The following RBFOX1 variants were observed in gnomAD, a reference collection of about 807,000 sequenced individuals.
The protein encoded by RBFOX1 is RNA binding protein fox-1 homolog 1.
In RBFOX1, 8 loss-of-function variants were observed where a neutral mutation model predicts 57.7. The observed-to-expected ratio is 0.14, with a 90% CI of 0.08 to 0.25. RBFOX1 has a LOEUF of 0.25. Among genes scored for constraint, RBFOX1 ranks in the 10% least tolerant of loss-of-function variants. The pLI, the probability that RBFOX1 is intolerant of heterozygous loss-of-function variation, is 1.00. For missense variants in RBFOX1, 611 were observed against 548.5 expected, an observed-to-expected ratio of 1.11 and a Z score of -1.14; for synonymous variants, 326 against 222.4, an observed-to-expected ratio of 1.47 and a Z score of -4.15.
At chr16:6,611,003 A>G (rs933190000) in intron 2 of RBFOX1, among the ~76,000 whole-genome samples, 3 of 152,202 alleles carry the variant, frequency 2.0e-5, no homozygotes, top group Non-Finnish European at 1.5e-5. Flanking sequence ...GAGCACAGAT[A>G]TACTTAATAC....
At chr16:6,930,777 A>G (rs796223705) in intron 3 of RBFOX1, among the ~76,000 whole-genome samples, 6 of 152,244 alleles carry the variant, frequency 3.9e-5, no homozygotes, top group African/African-American at 1.4e-4. Context: ...ATCCTCCCTC[A>G]GAGAGCTATA....
intron 3 of RBFOX1, among the ~76,000 whole-genome samples, chr16:6,753,130 TA>T (rs1186970775): frequency 6.6e-6 from 1 of 152,120 alleles, no homozygotes; most frequent in Non-Finnish European, 1.5e-5. Context: ...CTGAAACTTG[TA>T]GGGGGTATTT....
intron 4 of RBFOX1, among the ~76,000 whole-genome samples, chr16:7,468,398 T>G (rs2060916045): frequency 6.6e-6 from 1 of 151,816 alleles, no homozygotes; most frequent in African/African-American, 2.4e-5. Context: ...GTTAGGGAGA[T>G]AAACTCACGC....
At chr16:7,494,801 C>T (rs535068530) in intron 4 of RBFOX1, among the ~76,000 whole-genome samples, 1 of 144,248 alleles carries the variant, frequency 6.9e-6, no homozygotes, top group East Asian at 2.0e-4. Flanking sequence ...AATGCTTGAG[C>T]TCCTTAATAT....
intron 4 of RBFOX1, among the ~76,000 whole-genome samples, chr16:7,459,145 A>T (rs543712929): frequency 6.6e-6 from 1 of 152,204 alleles, no homozygotes; most frequent in Non-Finnish European, 1.5e-5. Context: ...TGGATGAATG[A>T]CGGGTAGATG....
chr16:7,169,546 A>G (rs765674684), intron 4 of RBFOX1, among the ~76,000 whole-genome samples: 2 of 152,200 alleles, frequency 1.3e-5, no homozygotes, highest in African/African-American at 2.4e-5. Flanking sequence ...CCCCTTGTAG[A>G]AAAACAGTGA....
intron 3 of RBFOX1, among the ~76,000 whole-genome samples, chr16:5,725,887 C>T (rs2052134408): frequency 6.6e-6 from 1 of 151,890 alleles, no homozygotes; most frequent in East Asian, 2.0e-4. Context: ...AGCAGGTTTG[C>T]TGCAGGTTGG....
chr16:6,587,372 C>G (rs1715101655), intron 2 of RBFOX1, among the ~76,000 whole-genome samples: 1 of 152,118 alleles, frequency 6.6e-6, no homozygotes, highest in Non-Finnish European at 1.5e-5. Context: ...AACTTCGCCT[C>G]CCAGGATCAA....
At chr16:6,106,484 A>AAAAAAG (rs1465383861) in intron 1 of RBFOX1, among the ~76,000 whole-genome samples, 1 of 151,376 alleles carries the variant, frequency 6.6e-6, no homozygotes. Flanking sequence ...AAAAAAAAAA[A>AAAAAAG]AGGTAGTTCC....
At chr16:7,072,224 A>G (rs1459537571) in intron 4 of RBFOX1, among the ~76,000 whole-genome samples, 1 of 152,220 alleles carries the variant, frequency 6.6e-6, no homozygotes, top group East Asian at 1.9e-4. Flanking sequence ...AATTATGATC[A>G]CTGAACCTTC....
intron 4 of RBFOX1, among the ~76,000 whole-genome samples, chr16:7,337,461 TGA>T (rs2096811875): frequency 6.6e-6 from 1 of 152,170 alleles, no homozygotes; most frequent in South Asian, 2.1e-4. Context: ...CTTGTGATAC[TGA>T]GATAGAGCCT....
At chr16:6,722,149 C>A (rs1251085196) in intron 3 of RBFOX1, among the ~76,000 whole-genome samples, 9 of 152,196 alleles carry the variant, frequency 5.9e-5, no homozygotes, top group Admixed American at 1.3e-4. Flanking sequence ...GCTTTCCATT[C>A]CTGTGGTACA....
At chr16:5,339,037 C>G (rs1215469122) in intron 1 of RBFOX1, among the ~76,000 whole-genome samples, 5 of 151,888 alleles carry the variant, frequency 3.3e-5, no homozygotes, top group Admixed American at 3.3e-4. Flanking sequence ...CACAAAATCT[C>G]TCAATAATTT....
intron 3 of RBFOX1, among the ~76,000 whole-genome samples, chr16:6,809,233 A>T (rs959648407): frequency 6.6e-6 from 1 of 152,080 alleles, no homozygotes; most frequent in Admixed American, 6.5e-5. Flanking sequence ...TCTGAATCTC[A>T]TGTGATTCTG....
At chr16:5,466,121 C>T (rs1397815062) in intron 1 of RBFOX1, among the ~76,000 whole-genome samples, 4 of 152,172 alleles carry the variant, frequency 2.6e-5, no homozygotes, top group Non-Finnish European at 5.9e-5. Context: ...GGTGGGAAAT[C>T]GTCTTGTTCA....
intron 3 of RBFOX1, among the ~76,000 whole-genome samples, chr16:6,959,809 C>G (rs372878951): frequency 6.6e-6 from 1 of 152,098 alleles, no homozygotes; most frequent in Non-Finnish European, 1.5e-5. Context: ...TGTTGGCAGG[C>G]ACCTGTAATT....
chr16:6,974,371 G>A (rs543686483), intron 3 of RBFOX1, among the ~76,000 whole-genome samples: 32 of 77,610 alleles, frequency 4.1e-4, no homozygotes, highest in Non-Finnish European at 6.2e-4. Context: ...TTGCGATAGA[G>A]TCTTGCTTTG....
intron 1 of RBFOX1, among the ~76,000 whole-genome samples, chr16:6,243,553 G>T (rs1250481934): frequency 1.3e-5 from 2 of 152,148 alleles, no homozygotes; most frequent in Non-Finnish European, 2.9e-5. Flanking sequence ...TCCTCGTTCA[G>T]CAAGAAGCAG....
chr16:5,867,576 C>G (rs1331406940), intron 4 of RBFOX1, among the ~76,000 whole-genome samples: 2 of 152,150 alleles, frequency 1.3e-5, no homozygotes, highest in Non-Finnish European at 2.9e-5. Flanking sequence ...GCGTCTGTTT[C>G]TTGACAGATA....
Sources: allele counts gnomAD v4.1 joint callset (sites outside exome capture counted in the v4.1 genomes callset), GRCh38; gene constraint gnomAD v4.1.1; transcripts MANE v1.5; gene names NCBI Gene and HGNC (gene_info 2026-07-23, HGNC 2026-07-21).